PTPRM: variants seen among roughly 807,000 people sequenced by gnomAD.
PTPRM encodes the protein protein tyrosine phosphatase receptor type M.
Under a neutral mutation model 186.7 loss-of-function variants are expected in PTPRM, and 47 were observed. That is an observed-to-expected ratio of 0.25 (90% CI 0.20 to 0.32). The LOEUF (loss-of-function observed/expected upper bound fraction) is 0.32. Ranked by LOEUF, PTPRM falls within the 10% of genes least tolerant of loss-of-function variation. PTPRM has a pLI of 1.00. For synonymous variants in PTPRM, 668 were observed against 674.9 expected (o/e 0.99, Z 0.16); for missense variants, 1,494 against 1,865.0 (o/e 0.80, Z 3.66).
intron 2 of PTPRM, among the ~76,000 whole-genome samples, chr18:7,785,527 A>AT (rs1223514713): frequency 2.0e-5 from 3 of 152,052 alleles, no homozygotes; most frequent in African/African-American, 7.2e-5. Flanking sequence ...TTATTACTTA[A>AT]TTTTTCTGTA....
chr18:8,243,638 T>A (rs546226876), intron 14 of PTPRM, among the ~76,000 whole-genome samples: 26 of 152,358 alleles, frequency 1.7e-4, no homozygotes, highest in Non-Finnish European at 2.1e-4. Context: ...TTGGAAAATA[T>A]TTACTCAAGG....
At chr18:7,888,950 G>A (rs1228939931) in intron 3 of PTPRM, among the ~76,000 whole-genome samples, 1 of 152,130 alleles carries the variant, frequency 6.6e-6, no homozygotes, top group Non-Finnish European at 1.5e-5. Flanking sequence ...GGGAATAGTA[G>A]ACACTAGAGA....
chr18:8,124,774 T>C (rs1486942291), intron 13 of PTPRM, among the ~76,000 whole-genome samples: 3 of 152,178 alleles, frequency 2.0e-5, no homozygotes, highest in African/African-American at 7.2e-5. Flanking sequence ...TTGTGTTTAA[T>C]AGATCAATCC....
intron 11 of PTPRM, among the ~76,000 whole-genome samples, chr18:8,112,866 A>G (rs747835549): frequency 2.0e-5 from 3 of 152,162 alleles, no homozygotes; most frequent in Non-Finnish European, 4.4e-5. Flanking sequence ...TAGTCTTACT[A>G]ATCACTTGGA....
chr18:8,265,998 T>C (rs928592627), intron 19 of PTPRM, among the ~76,000 whole-genome samples: 4 of 152,104 alleles, frequency 2.6e-5, no homozygotes, highest in Non-Finnish European at 5.9e-5. Flanking sequence ...CAGGCACTTC[T>C]CTGGTTCTCT....
chr18:8,105,178 GA>G (rs1378684986), intron 11 of PTPRM, among the ~76,000 whole-genome samples: 1 of 152,162 alleles, frequency 6.6e-6, no homozygotes, highest in Non-Finnish European at 1.5e-5. Context: ...GCTTTTTATA[GA>G]ATTTGTTTTT....
At chr18:7,958,440 A>G (rs2053460765) in intron 7 of PTPRM, among the ~76,000 whole-genome samples, 1 of 152,140 alleles carries the variant, frequency 6.6e-6, no homozygotes, top group Admixed American at 6.6e-5. Flanking sequence ...CTAATGAGGA[A>G]TGGTGGAAAG....
intron 1 of PTPRM, 79 bp from the exon 2 acceptor site, chr18:7,774,070 A>T (rs1352621269): frequency 1.4e-6 from 2 of 1,439,242 alleles, no homozygotes; most frequent in Admixed American, 1.9e-5. Flanking sequence ...CATCAAGTCT[A>T]AGGCTTCCTG....
At chr18:7,633,997 A>T (rs2038252898) in intron 1 of PTPRM, among the ~76,000 whole-genome samples, 1 of 151,878 alleles carries the variant, frequency 6.6e-6, no homozygotes, top group Non-Finnish European at 1.5e-5. Context: ...TCCATTTTTC[A>T]CCTGGGAAAA....
Position 7,965,033 on chromosome 18 carries a change from C to CT in PTPRM, c.1132+9640dup, listed in dbSNP as rs569596603. 2.7e-3 allele frequency among the ~76,000 whole-genome samples: 323 copies of CT among 120,210 alleles called. 2 individuals carry two copies. The highest frequency in any genetic ancestry group is 5.2e-3 in the East Asian group (23 of 4,436). 78.9% of individuals were successfully genotyped at this position (120,210 alleles called of 152,430 possible). A position where few individuals can be genotyped will look rare whatever the true frequency, so the allele number is the denominator to read the frequency against. Reference sequence around the variant, plus strand: ...GGAGGGTTCTGCCCCCACTCTAACACTTTTTTTTTTTTTTTTTTTTTGAGA... The same window carrying CT: ...GGAGGGTTCTGCCCCCACTCTAACACTTTTTTTTTTTTTTTTTTTTTTGAGA... On this transcript the variant is annotated intron_variant, in intron 7 of 32. Transcript: ENST00000580170.
intron 2 of PTPRM, among the ~76,000 whole-genome samples, chr18:7,781,754 A>G (rs1486589307): frequency 2.0e-5 from 3 of 152,222 alleles, no homozygotes; most frequent in Non-Finnish European, 4.4e-5. Flanking sequence ...GTCTAACTTT[A>G]TCATAAAAAT....
At chr18:8,117,750 T>C (rs531035136) in intron 13 of PTPRM, among the ~76,000 whole-genome samples, 1 of 152,278 alleles carries the variant, frequency 6.6e-6, no homozygotes, top group South Asian at 2.1e-4. Context: ...CTCTCTTGAG[T>C]TAAAAGATAA....
intron 1 of PTPRM, among the ~76,000 whole-genome samples, chr18:7,693,176 T>G (rs1296917111): frequency 6.6e-6 from 1 of 152,176 alleles, no homozygotes; most frequent in Non-Finnish European, 1.5e-5. Flanking sequence ...TATTCTTAAG[T>G]GAGGGAGACT....
intron 1 of PTPRM, among the ~76,000 whole-genome samples, chr18:7,581,252 A>G (rs1229714612): frequency 6.6e-6 from 1 of 152,120 alleles, no homozygotes; most frequent in East Asian, 1.9e-4. Context: ...TTTTCTCTCT[A>G]TGTGATGTTT....
At chr18:7,951,234 C>T (rs2052931542) in intron 6 of PTPRM, among the ~76,000 whole-genome samples, 1 of 152,226 alleles carries the variant, frequency 6.6e-6, no homozygotes, top group African/African-American at 2.4e-5. Context: ...ACAGAAAGGA[C>T]ACTAGTTTGC....
At chr18:8,152,892 A>G (rs901466100) in intron 14 of PTPRM, among the ~76,000 whole-genome samples, 3 of 151,358 alleles carry the variant, frequency 2.0e-5, no homozygotes, top group South Asian at 2.1e-4. Flanking sequence ...TAATTTTTGT[A>G]TTTTTAGTAG....
At position 7,772,687 on chromosome 18, in the gene PTPRM, A is replaced by G. The variant is rs575855193; in HGVS notation, c.74-1462A>G. On this transcript the variant is annotated intron_variant, in intron 1 of 32. Coordinates refer to ENST00000580170, the MANE Select transcript of PTPRM (RefSeq NM_001105244.2). ...GGGAAGTTGTACAGTTGACCTAAGCATTTGGATAGAAGTTGGACCAGGTGA... is the reference window on the plus strand; with the variant it reads ...GGGAAGTTGTACAGTTGACCTAAGCGTTTGGATAGAAGTTGGACCAGGTGA... Among the ~76,000 whole-genome samples, 68 of 152,138 alleles carry G rather than the reference A, an allele frequency of 4.5e-4. 1 individual carries two copies. In the South Asian group the frequency reaches 0.014, roughly 31 times the overall value.
At chr18:7,927,430 G>A (rs2051236843) in intron 5 of PTPRM, among the ~76,000 whole-genome samples, 1 of 150,252 alleles carries the variant, frequency 6.7e-6, no homozygotes, top group Non-Finnish European at 1.5e-5. Flanking sequence ...ATCTTGAGTG[G>A]TGTTGATTTT....
chr18:7,892,070 C>T (rs74774187), intron 3 of PTPRM, among the ~76,000 whole-genome samples: 1,673 of 152,308 alleles, frequency 0.011, 11 homozygotes, highest in Non-Finnish European at 0.019. Context: ...ATTCTAGGTT[C>T]TTCCTCAGTC....
Sources: gnomAD v4.1 joint callset for allele counts (sites outside exome capture counted in the v4.1 genomes callset) on GRCh38, gnomAD v4.1.1 for gene constraint, MANE v1.5 for transcripts, NCBI Gene and HGNC (gene_info 2026-07-23, HGNC 2026-07-21) for gene names.